RHCE: variants seen among roughly 807,000 people sequenced by gnomAD.
The protein encoded by RHCE is blood group Rh(CE) polypeptide.
A neutral mutation model predicts 43.8 loss-of-function variants in RHCE; 22 were observed. That is an observed-to-expected ratio of 0.50 (90% CI 0.36 to 0.72). RHCE has a LOEUF of 0.72. RHCE is among the 30% of genes least tolerant of loss of function. RHCE has a pLI of 0.00. For missense variants in RHCE, 385 were observed against 525.4 expected (o/e 0.73, Z 2.61); for synonymous variants, 156 against 210.7 (o/e 0.74, Z 2.25).
chr1:25,390,443 C>T lies in RHCE; in HGVS notation c.801+306G>A, dbSNP rs575681315. On this transcript the variant is annotated intron_variant, in intron 5 of 9. Transcript: ENST00000294413. ...AGTCTAGTCTGTTGCTGCTGACTCT[C>T]GCTCATGGTGACTGACTTGAGCAAC... Among the ~76,000 whole-genome samples, 3 of 152,306 alleles carry T rather than the reference C, an allele frequency of 2.0e-5. No individual in the cohort carries two copies. The South Asian group carries it at 6.2e-4, about 32-fold the overall frequency.
intron 1 of RHCE, among the ~76,000 whole-genome samples, chr1:25,418,367 TG>T (rs1488324128): frequency 1.3e-5 from 2 of 151,446 alleles, no homozygotes; most frequent in Non-Finnish European, 2.9e-5. Context: ...TTGTTGTTTT[TG>T]TTTGGTTTTT....
chr1:25,379,254 G>A (rs530979556), intron 7 of RHCE, among the ~76,000 whole-genome samples: 1 of 151,388 alleles, frequency 6.6e-6, no homozygotes, highest in East Asian at 2.0e-4. Context: ...TCTCATCATA[G>A]GGGCCCCACC....
intron 7 of RHCE, among the ~76,000 whole-genome samples, chr1:25,384,889 G>C (rs1281914677): frequency 6.6e-6 from 1 of 152,126 alleles, no homozygotes; most frequent in East Asian, 1.9e-4. Context: ...GCATATAATG[G>C]TTTCTAGCAC....
chr1:25,428,172 T>C (rs1302459446), intron 2 of RHCE, among the ~76,000 whole-genome samples: 1 of 152,224 alleles, frequency 6.6e-6, no homozygotes, highest in Non-Finnish European at 1.5e-5. Flanking sequence ...GTGTCCCCAG[T>C]GCCTCTCATC....
At chr1:25,415,099 C>T (rs1647280668) in intron 1 of RHCE, among the ~76,000 whole-genome samples, 2 of 152,098 alleles carry the variant, frequency 1.3e-5, no homozygotes, top group East Asian at 1.9e-4. Context: ...GGAACTGGCA[C>T]CTCTCTATGC....
At chr1:25,426,557 T>C (rs2042806613) in intron 2 of RHCE, among the ~76,000 whole-genome samples, 1 of 152,192 alleles carries the variant, frequency 6.6e-6, no homozygotes, top group African/African-American at 2.4e-5. Flanking sequence ...TGTAATATGG[T>C]GCTAGTAATC....
In RHCE at chr1:25,362,498, C is replaced by G. The variant is rs376075232; in HGVS notation, c.*29G>C. The G allele has an allele frequency of 6.3e-7, 1 of 1,590,134 alleles. No homozygotes were observed. The highest frequency in any genetic ancestry group is 1.8e-5 in the Admixed American group (1 of 55,822). ...GAGAGGAAGTTGTCTTGTTTTTGAA[C>G]AGGCCTTGTTTTTCTTGGATGCTTT... On this transcript the variant is annotated 3_prime_UTR_variant, in exon 10 of 10. Coordinates refer to ENST00000294413, the MANE Select transcript of RHCE (RefSeq NM_020485.8).
intron 1 of RHCE, among the ~76,000 whole-genome samples, chr1:25,412,742 A>G (rs1456535298): frequency 1.3e-5 from 2 of 148,504 alleles, no homozygotes; most frequent in African/African-American, 5.0e-5. Context: ...AAAAAAAAAA[A>G]GGCCGGGCAC....
chr1:25,373,356 G>T lies in RHCE; in HGVS notation c.1153+1993C>A, dbSNP rs1042776987. Reference sequence around the variant, plus strand: ...TAAAATGCAGGATACCCAATTCATTGCGAATTTAAAAACAGACACCTTGCA... The same window carrying T: ...TAAAATGCAGGATACCCAATTCATTTCGAATTTAAAAACAGACACCTTGCA... On this transcript the variant is annotated intron_variant, in intron 8 of 9. Coordinates refer to ENST00000294413, the MANE Select transcript of RHCE (RefSeq NM_020485.8). 7.2e-5 allele frequency among the ~76,000 whole-genome samples: 11 copies of T among 151,798 alleles called. 1 individual carries two copies. The East Asian group carries it at 1.7e-3, about 24-fold the overall frequency.
chr1:25,371,019 T>G lies in RHCE; in HGVS notation c.1154-479A>C, dbSNP rs569768916. ...GATCCACCCACCTCAGCCTTCCAAATTGCTAGTATTATAGGCATAAGCCAC... is the reference window on the plus strand; with the variant it reads ...GATCCACCCACCTCAGCCTTCCAAAGTGCTAGTATTATAGGCATAAGCCAC... On this transcript the variant is annotated intron_variant, in intron 8 of 9. Transcript: ENST00000294413. 5.3e-4 allele frequency among the ~76,000 whole-genome samples: 79 copies of G among 149,770 alleles called. 1 individual carries two copies. Among genetic ancestry groups the G allele is most frequent in the African/African-American group, 1.9e-3 (77 of 40,072 alleles).
chr1:25,416,704 G>T (rs1571923360), intron 1 of RHCE, among the ~76,000 whole-genome samples: 1 of 150,956 alleles, frequency 6.6e-6, no homozygotes. Flanking sequence ...GCAGCCTCAA[G>T]CTCCCAGGCT....
intron 7 of RHCE, among the ~76,000 whole-genome samples, chr1:25,380,516 C>T (rs913006389): frequency 6.6e-6 from 1 of 152,242 alleles, no homozygotes; most frequent in Non-Finnish European, 1.5e-5. Context: ...TAGGGGCTCT[C>T]TGGGGTGGCC....
chr1:25,410,956 G>A (rs2124510187), intron 1 of RHCE, among the ~76,000 whole-genome samples: 1 of 152,122 alleles, frequency 6.6e-6, no homozygotes, highest in East Asian at 1.9e-4. Flanking sequence ...GCTGGATGTG[G>A]TGGCGGGCAC....
chr1:25,416,792 GTT>G (rs576244724), intron 1 of RHCE, among the ~76,000 whole-genome samples: 1,043 of 99,506 alleles, frequency 0.01, 22 homozygotes, highest in African/African-American at 0.04. Flanking sequence ...AAATTTTACA[GTT>G]TTTTTTTTTT....
intron 7 of RHCE, among the ~76,000 whole-genome samples, chr1:25,384,346 C>A (rs1397051124): frequency 6.6e-6 from 1 of 151,860 alleles, no homozygotes. Context: ...TGGGTCCCTG[C>A]ACTGTGATGG....
chr1:25,401,364 A>T (rs1456435103), intron 3 of RHCE, among the ~76,000 whole-genome samples: 1 of 152,118 alleles, frequency 6.6e-6, no homozygotes, highest in Non-Finnish European at 1.5e-5. Context: ...CTTTGACTCC[A>T]AGTCCAGTGC....
intron 7 of RHCE, among the ~76,000 whole-genome samples, chr1:25,384,470 A>T (rs370420872): frequency 3.3e-4 from 50 of 151,278 alleles, no homozygotes; most frequent in South Asian, 1.5e-3. Flanking sequence ...TCCTCATCTT[A>T]CAGAGGGGAA....
rs554559818 is a variant in RHCE at position 25,381,115 on chromosome 1, T to C, written c.1073+4596A>G. On this transcript the variant is annotated intron_variant, in intron 7 of 9. Transcript: ENST00000294413. ...ATCAATCGGTAGCTTGGTCACACTC[T>C]CAGTTTTCTCAGCTGAAAATGTTCT... 5.9e-5 allele frequency among the ~76,000 whole-genome samples: 9 copies of C among 152,268 alleles called. No individual in the cohort carries two copies. In the South Asian group the frequency reaches 1.9e-3, roughly 32 times the overall value.
intron 6 of RHCE, among the ~76,000 whole-genome samples, 188 bp from the exon 7 acceptor site, chr1:25,386,032 G>C (rs186749041): frequency 6.6e-6 from 1 of 152,122 alleles, no homozygotes; most frequent in Non-Finnish European, 1.5e-5. Flanking sequence ...TGAAGAGCTG[G>C]CTTTAGTGGA....
Sources: gnomAD v4.1 joint callset for allele counts (sites outside exome capture counted in the v4.1 genomes callset) on GRCh38, gnomAD v4.1.1 for gene constraint, MANE v1.5 for transcripts, NCBI Gene and HGNC (gene_info 2026-07-23, HGNC 2026-07-21) for gene names.